Variants in COL28A1 observed in about 807,000 individuals in gnomAD.
COL28A1 encodes collagen type XXVIII alpha 1 chain.
COL28A1 carries 161 observed loss-of-function variants against 150.2 expected under a neutral mutation model. That is an observed-to-expected ratio of 1.07 (90% CI 0.94 to 1.22). COL28A1 has a LOEUF of 1.22. Ranked by LOEUF, COL28A1 falls within the 50% of genes most tolerant of loss-of-function variation. COL28A1 has a pLI of 0.00. For missense variants in COL28A1, 1,617 were observed against 1,388.3 expected (o/e 1.16, Z -2.62); for synonymous variants, 552 against 469.7 (o/e 1.18, Z -2.26).
At position 7,459,759 on chromosome 7, in the gene COL28A1, G is replaced by A. The variant is rs187475723; in HGVS notation, c.1303-3647C>T. On this transcript the variant is annotated intron_variant, in intron 15 of 34. Transcript: ENST00000399429. ...AAGCAATCCCTAACAACGAGGAGCTGACCTGACCCTGGCAAGTAGGCCGTG... is the reference window on the plus strand; with the variant it reads ...AAGCAATCCCTAACAACGAGGAGCTAACCTGACCCTGGCAAGTAGGCCGTG... Among the ~76,000 whole-genome samples the A allele has an allele frequency of 5.6e-4, 86 of 152,332 alleles. 1 individual carries two copies. Among genetic ancestry groups the A allele is most frequent in the South Asian group, 5.2e-3 (25 of 4,822 alleles).
Position 7,358,621 on chromosome 7 carries a change from C to T in COL28A1, c.*12G>A. On this transcript the variant is annotated 3_prime_UTR_variant, in exon 35 of 35. Coordinates refer to ENST00000399429, the MANE Select transcript of COL28A1 (RefSeq NM_001037763.3). ...TTCTATGCTTTTGATAGAGACAGGC[C>T]AATTTACTTGCTCATCCTTGAATGC... 1 of 1,612,912 alleles carries T rather than the reference C, an allele frequency of 6.2e-7. No homozygotes were observed. Among genetic ancestry groups the T allele is most frequent in the Non-Finnish European group, 8.5e-7 (1 of 1,179,270 alleles).
intron 21 of COL28A1, among the ~76,000 whole-genome samples, chr7:7,439,088 C>T (rs1785559769): frequency 6.6e-6 from 1 of 152,206 alleles, no homozygotes; most frequent in Non-Finnish European, 1.5e-5. Flanking sequence ...GACTCATGTC[C>T]TCTGAAAATT....
intron 27 of COL28A1, among the ~76,000 whole-genome samples, chr7:7,400,975 G>GTGTGTGT (rs1783145948): frequency 6.7e-5 from 8 of 119,128 alleles, no homozygotes; most frequent in Middle Eastern, 4.4e-3. Context: ...TGGGTATTTG[G>GTGTGTGT]GTGTGTGTGT....
chr7:7,527,503 T>C (rs533259348), intron 3 of COL28A1, among the ~76,000 whole-genome samples: 4 of 151,402 alleles, frequency 2.6e-5, no homozygotes, highest in African/African-American at 9.7e-5. Flanking sequence ...TTAAAGGGAG[T>C]GGATGGAAGG....
At chr7:7,461,307 G>A (rs922754260) in intron 15 of COL28A1, among the ~76,000 whole-genome samples, 4 of 152,218 alleles carry the variant, frequency 2.6e-5, no homozygotes, top group Admixed American at 1.3e-4. Context: ...GCTGCCAGAG[G>A]CACTGGGAAA....
Position 7,456,100 on chromosome 7 carries a change from G to C in COL28A1, c.1315C>G (p.Pro439Ala). ...CCCATTGGTCCTTGGGGTCCCACAG[G>C]TCCTATATCCCCCTGCACAGAAAAT... Reference protein sequence around the residue: ...SIKGEKGDIGPVGPQGPMGIP... With the variant: ...SIKGEKGDIGAVGPQGPMGIP... The change falls in exon 16 of 35, where the codon CCT becomes GCT. Residue 439 changes from proline (P) to alanine (A), a missense_variant. Transcript: ENST00000399429. 6.2e-7 allele frequency: 1 copy of C among 1,613,560 alleles called. No individual in the cohort carries two copies. The highest frequency in any genetic ancestry group is 1.1e-5 in the South Asian group (1 of 91,026).
chr7:7,532,891 A>G lies in COL28A1; in HGVS notation c.-16T>C, dbSNP rs1357066512. The G allele has an allele frequency of 3.1e-6, 5 of 1,589,836 alleles. No homozygotes were observed. In the Admixed American group the frequency reaches 5.6e-5, roughly 18 times the overall value. On this transcript the variant is annotated 5_prime_UTR_variant, in exon 2 of 35. Coordinates refer to ENST00000399429, the MANE Select transcript of COL28A1 (RefSeq NM_001037763.3). The stretch of plus-strand genomic sequence containing the variant: ...TGTTCCACATTATGGTAGATGGTGA[A>G]AAATCATCTGTCTTGTAGCACCTTT...
In COL28A1 at chr7:7,373,718, T is replaced by G. The variant is rs1349298131; in HGVS notation, c.2360-172A>C. On this transcript the variant is annotated intron_variant, in intron 31 of 34. Coordinates refer to ENST00000399429, the MANE Select transcript of COL28A1 (RefSeq NM_001037763.3). The surrounding 1 kb of genome is among the most constrained non-coding windows in gnomAD (Gnocchi z 4.1). ...CCATTCTGGTTTCTTTTTTTTTTTGTGAGACAGAGTCTCGCTGTCGCCCAG... is the reference window on the plus strand; with the variant it reads ...CCATTCTGGTTTCTTTTTTTTTTTGGGAGACAGAGTCTCGCTGTCGCCCAG... 1.4e-5 allele frequency among the ~76,000 whole-genome samples: 2 copies of G among 145,322 alleles called. No homozygotes were observed. The highest frequency in any genetic ancestry group is 3.1e-5 in the Non-Finnish European group (2 of 65,430).
chr7:7,473,664 G>C (rs1199017309), intron 15 of COL28A1, among the ~76,000 whole-genome samples: 1 of 152,124 alleles, frequency 6.6e-6, no homozygotes, highest in East Asian at 1.9e-4. Flanking sequence ...ACTATCATTT[G>C]ATCCAGCAAT....
chr7:7,370,754 G>T lies in COL28A1; in HGVS notation c.3037C>A (p.Pro1013Thr), dbSNP rs547498110. The T allele has an allele frequency of 3.1e-6, 5 of 1,613,470 alleles. No individual in the cohort carries two copies. The South Asian group carries it at 4.4e-5, about 14-fold the overall frequency. The change falls in exon 33 of 35, where the codon CCA becomes ACA. Residue 1013 changes from proline (P) to threonine (T), a missense_variant. Transcript: ENST00000399429. Reference sequence around the variant, plus strand: ...TCAGAAATTTCTTTTTGAGGCTCTGGAGTAGATTCACTGAGTTCTTCCCCT... The same window carrying T: ...TCAGAAATTTCTTTTTGAGGCTCTGTAGTAGATTCACTGAGTTCTTCCCCT... Reference protein sequence around the residue: ...MSGEELSESTPEPQKEISESL... With the variant: ...MSGEELSESTTEPQKEISESL...
intron 27 of COL28A1, among the ~76,000 whole-genome samples, chr7:7,394,811 G>C (rs949434648): frequency 1.2e-4 from 19 of 152,198 alleles, no homozygotes; most frequent in African/African-American, 4.3e-4. Context: ...AGGTTCCTTT[G>C]TCATCTCATA....
chr7:7,464,878 T>C (rs550382214), intron 15 of COL28A1, among the ~76,000 whole-genome samples: 4 of 152,156 alleles, frequency 2.6e-5, no homozygotes, highest in African/African-American at 7.2e-5. Context: ...AAAAGATAAA[T>C]TGATAGACCA....
intron 27 of COL28A1, among the ~76,000 whole-genome samples, chr7:7,407,435 T>A (rs1783549550): frequency 6.6e-6 from 1 of 152,094 alleles, no homozygotes; most frequent in East Asian, 1.9e-4. Flanking sequence ...AAAGAGAAAG[T>A]ATCAAAAGCC....
At chr7:7,522,002 T>C (rs776875533) in intron 4 of COL28A1, 41 bp from the exon 5 acceptor site, 1 of 861,368 alleles carries the variant, frequency 1.2e-6, no homozygotes, top group East Asian at 2.4e-5. Flanking sequence ...CACAGTGAAA[T>C]TCAAATTGTA....
At chr7:7,346,212 C>T in the COL28A1 span, among the ~76,000 whole-genome samples, 33 of 151,790 alleles carry the variant, frequency 2.2e-4, no homozygotes, top group East Asian at 6.4e-3. Context: ...ATCTCATTAG[C>T]TAGTTTTAAT....
chr7:7,366,579 T>G (rs974924489), intron 33 of COL28A1, among the ~76,000 whole-genome samples: 1 of 152,212 alleles, frequency 6.6e-6, no homozygotes, highest in Non-Finnish European at 1.5e-5. Flanking sequence ...ATACTAATAA[T>G]TAGTTGTTAC....
chr7:7,340,509 T>C, the COL28A1 span, among the ~76,000 whole-genome samples: 1 of 152,128 alleles, frequency 6.6e-6, no homozygotes, highest in Non-Finnish European at 1.5e-5. Context: ...AGTGAGCTCC[T>C]TGGCTTTCCT....
chr7:7,433,039 C>A (rs1253000628), intron 23 of COL28A1, among the ~76,000 whole-genome samples: 4 of 151,990 alleles, frequency 2.6e-5, no homozygotes, highest in South Asian at 4.2e-4. Context: ...TAAATAAACC[C>A]AGATGAAAAT....
intron 3 of COL28A1, among the ~76,000 whole-genome samples, chr7:7,528,178 T>C (rs969886371): frequency 6.6e-6 from 1 of 152,148 alleles, no homozygotes; most frequent in Non-Finnish European, 1.5e-5. Context: ...CTTATTTCCA[T>C]AAAGGCTTTT....
Sources: gnomAD v4.1 joint callset for allele counts (sites outside exome capture counted in the v4.1 genomes callset) on GRCh38, gnomAD v4.1.1 for gene constraint, Gnocchi (gnomAD v3.1) non-coding constraint, MANE v1.5 for transcripts, NCBI Gene and HGNC (gene_info 2026-07-23, HGNC 2026-07-21) for gene names.